The following MLIP variants were observed in gnomAD, a reference collection of about 807,000 sequenced individuals.
MLIP encodes muscular LMNA interacting protein.
In MLIP, 79 loss-of-function variants were observed where a neutral mutation model predicts 84.8. That is an observed-to-expected ratio of 0.93 (90% CI 0.78 to 1.12). The LOEUF is 1.12. MLIP is among the 50% of genes most tolerant of loss of function. The probability of loss-of-function intolerance (pLI) is 0.00; values close to 1 mark genes in which losing one functional copy is unlikely to be tolerated. For missense variants in MLIP, 1,257 were observed against 1,160.6 expected, an observed-to-expected ratio of 1.08 and a Z score of -1.21; for synonymous variants, 504 against 463.0, an observed-to-expected ratio of 1.09 and a Z score of -1.14.
chr6:54,024,894 G>T (rs941290953), intron 1 of MLIP, among the ~76,000 whole-genome samples: 3 of 152,012 alleles, frequency 2.0e-5, no homozygotes, highest in Non-Finnish European at 2.9e-5. Flanking sequence ...CTGGAGTGTA[G>T]TGGCATGATC....
At chr6:54,171,335 T>C (rs1000443676) in intron 9 of MLIP, among the ~76,000 whole-genome samples, 1 of 151,634 alleles carries the variant, frequency 6.6e-6, no homozygotes. Context: ...TAAACTCTAA[T>C]GCAGATAAGA....
intron 3 of MLIP, among the ~76,000 whole-genome samples, chr6:54,126,683 A>G (rs1770945199): frequency 6.6e-6 from 1 of 152,168 alleles, no homozygotes; most frequent in Non-Finnish European, 1.5e-5. Context: ...CCAGAGCACC[A>G]AAGAAAGCAG....
chr6:54,063,958 T>TAC (rs1766127485), intron 1 of MLIP, among the ~76,000 whole-genome samples: 3 of 102,850 alleles, frequency 2.9e-5, no homozygotes, highest in East Asian at 2.6e-4. Flanking sequence ...TAGTGTTTAA[T>TAC]TGGAAACAAG....
In MLIP at chr6:54,241,496, G is replaced by T. The variant is rs79319770; in HGVS notation, c.2922+10579G>T. On this transcript the variant is annotated intron_variant, in intron 12 of 13. Coordinates refer to ENST00000502396, the MANE Select transcript of MLIP (RefSeq NM_001281747.2). ...ATTCATAGACTTACTGAATCAGAAG[G>T]TGTATAACTTTTTCTGGTATGCTAC... Among the ~76,000 whole-genome samples, 97 of 152,042 alleles carry T rather than the reference G, an allele frequency of 6.4e-4. No homozygotes were observed. The East Asian group carries it at 0.017, about 27-fold the overall frequency.
chr6:54,258,948 ATATT>A (rs1284584552), intron 13 of MLIP, among the ~76,000 whole-genome samples: 6 of 151,912 alleles, frequency 3.9e-5, no homozygotes, highest in Non-Finnish European at 8.8e-5. Context: ...TTAGATAAAG[ATATT>A]TATCCAAATT....
intron 10 of MLIP, among the ~76,000 whole-genome samples, chr6:54,193,894 A>T (rs1172935136): frequency 6.6e-6 from 1 of 152,094 alleles, no homozygotes; most frequent in East Asian, 1.9e-4. Flanking sequence ...CCTGCATAAG[A>T]TAACACACAA....
chr6:54,149,152 A>C, intron 5 of MLIP, 25 bp downstream of exon 5: 1 of 1,581,032 alleles, frequency 6.3e-7, no homozygotes. Flanking sequence ...AAAAACAGTG[A>C]ATTTTACATT....
At chr6:54,261,720 A>T (rs1346765199) in intron 13 of MLIP, 15 of 985,208 alleles carry the variant, frequency 1.5e-5, no homozygotes, top group Non-Finnish European at 1.7e-5. Context: ...AACATAGAAA[A>T]GAGAAAATAA....
In MLIP at chr6:54,257,320, A is replaced by T; in HGVS notation, c.2935A>T (p.Met979Leu). 1 of 1,612,592 alleles carries T rather than the reference A, an allele frequency of 6.2e-7. No homozygotes were observed. The highest frequency in any genetic ancestry group is 2.2e-5 in the East Asian group (1 of 44,820). The change falls in exon 13 of 14, where the codon ATG becomes TTG. Residue 979 changes from methionine to leucine, a missense_variant. By Grantham distance (15) the Met-to-Leu change is conservative. Coordinates refer to ENST00000502396, the MANE Select transcript of MLIP (RefSeq NM_001281747.2). Reference sequence around the variant, plus strand: ...CTTTTCTGTGAAGCTGAGTCATCCAATGGTGGCTATTCCTGAACATGAAGC... The same window carrying T: ...CTTTTCTGTGAAGCTGAGTCATCCATTGGTGGCTATTCCTGAACATGAAGC... Reference protein sequence around the residue: ...HNACNKLSHPMVAIPEHEALD... With the variant: ...HNACNKLSHPLVAIPEHEALD...
At chr6:54,237,153 CAAG>C (rs1056748615) in intron 12 of MLIP, among the ~76,000 whole-genome samples, 6 of 151,584 alleles carry the variant, frequency 4.0e-5, no homozygotes, top group Non-Finnish European at 8.8e-5. Flanking sequence ...GGGACTGAGA[CAAG>C]GAGGAGAGGC....
upstream of MLIP, among the ~76,000 whole-genome samples, chr6:54,110,131 C>T (rs929981572): frequency 6.6e-6 from 1 of 151,572 alleles, no homozygotes; most frequent in Non-Finnish European, 1.5e-5. Context: ...TACAGCTGCC[C>T]GCCACAACGC....
intron 2 of MLIP, among the ~76,000 whole-genome samples, chr6:54,124,068 G>A (rs1224531679): frequency 1.3e-5 from 2 of 152,002 alleles, no homozygotes; most frequent in Admixed American, 1.3e-4. Flanking sequence ...ACTTTCAATG[G>A]GGATTTCCTT....
intron 1 of MLIP, among the ~76,000 whole-genome samples, chr6:54,104,355 G>A (rs1768862723): frequency 6.6e-6 from 1 of 152,082 alleles, no homozygotes; most frequent in East Asian, 1.9e-4. Context: ...GTTAGAATTT[G>A]TTTCCTTTAT....
chr6:54,123,977 G>C (rs1770688354), intron 2 of MLIP, among the ~76,000 whole-genome samples: 1 of 152,116 alleles, frequency 6.6e-6, no homozygotes. Context: ...AATTAACTTA[G>C]ATTGTTTTGT....
Position 54,145,841 on chromosome 6 carries a change from G to A in MLIP, c.2218-3215G>A, listed in dbSNP as rs79302128. Reference sequence around the variant, plus strand: ...GAGAAAAAATTTCTTGAATAAATACGTTAGTTGAACAACCATAAATAGATT... The same window carrying A: ...GAGAAAAAATTTCTTGAATAAATACATTAGTTGAACAACCATAAATAGATT... On this transcript the variant is annotated intron_variant, in intron 4 of 13. Transcript: ENST00000502396. 7.6e-4 allele frequency among the ~76,000 whole-genome samples: 111 copies of A among 147,014 alleles called. No homozygotes were observed. In the East Asian group the frequency reaches 0.011, roughly 15 times the overall value.
rs149717851 is a variant in MLIP at position 54,122,993 on chromosome 6, G to A, written c.252+1391G>A. Among the ~76,000 whole-genome samples the A allele has an allele frequency of 6.5e-3, 982 of 151,240 alleles. 8 individuals are homozygous for A. Among genetic ancestry groups the A allele is most frequent in the Non-Finnish European group, 0.01 (693 of 67,862 alleles). ...GTCGCCCAGGCTAGAGTGCAGTGGC[G>A]CGATCTCGGCTCACTGCAAGCTCCG... On this transcript the variant is annotated intron_variant, in intron 2 of 13. Transcript: ENST00000502396.
intron 1 of MLIP, among the ~76,000 whole-genome samples, chr6:54,070,280 T>C (rs1186915460): frequency 6.6e-6 from 1 of 152,208 alleles, no homozygotes; most frequent in African/African-American, 2.4e-5. Context: ...ATCGGGATGA[T>C]CTAGCACAGT....
At chr6:54,179,484 C>A (rs1776635818) in intron 9 of MLIP, among the ~76,000 whole-genome samples, 1 of 151,472 alleles carries the variant, frequency 6.6e-6, no homozygotes, top group Non-Finnish European at 1.5e-5. Flanking sequence ...TTTTCTTTTC[C>A]TTTTTCCTGT....
chr6:54,174,728 C>T (rs998307788), intron 9 of MLIP, among the ~76,000 whole-genome samples: 2 of 151,818 alleles, frequency 1.3e-5, no homozygotes, highest in Non-Finnish European at 2.9e-5. Flanking sequence ...GTTTCCTTTG[C>T]TGGGTAGAAG....
Sources: gnomAD v4.1 joint callset for allele counts (sites outside exome capture counted in the v4.1 genomes callset) on GRCh38, gnomAD v4.1.1 for gene constraint, MANE v1.5 for transcripts, NCBI Gene and HGNC (gene_info 2026-07-23, HGNC 2026-07-21) for gene names.